Variants in GRAMD2B observed in about 807,000 individuals in gnomAD.
GRAMD2B encodes the protein GRAM domain-containing protein 2B.
A neutral mutation model predicts 59.2 loss-of-function variants in GRAMD2B; 41 were observed. The observed-to-expected ratio is 0.69, with a 90% CI of 0.54 to 0.90. GRAMD2B has a LOEUF of 0.90. Among genes scored for constraint, GRAMD2B ranks in the 40% least tolerant of loss-of-function variants. The pLI is 0.00. For missense variants in GRAMD2B, 424 were observed against 500.5 expected, an observed-to-expected ratio of 0.85 and a Z score of 1.46; for synonymous variants, 161 against 182.7, an observed-to-expected ratio of 0.88 and a Z score of 0.96.
chr5:126,382,332 T>C (rs967800429), intron 1 of GRAMD2B, among the ~76,000 whole-genome samples: 2 of 152,196 alleles, frequency 1.3e-5, no homozygotes, highest in Non-Finnish European at 2.9e-5. Flanking sequence ...CAGATTATTG[T>C]TAGGTTTGGT....
upstream of GRAMD2B, among the ~76,000 whole-genome samples, chr5:126,422,696 C>T (rs1226085375): frequency 6.6e-6 from 1 of 152,172 alleles, no homozygotes; most frequent in Non-Finnish European, 1.5e-5. Flanking sequence ...GCTTCCAATA[C>T]AAAACCTTAG....
chr5:126,363,676 TCA>T (rs1754320061), intron 1 of GRAMD2B, among the ~76,000 whole-genome samples: 1 of 152,130 alleles, frequency 6.6e-6, no homozygotes, highest in Non-Finnish European at 1.5e-5. Context: ...TCACAAAAGA[TCA>T]CAGATAGTAT....
intron 8 of GRAMD2B, among the ~76,000 whole-genome samples, chr5:126,483,139 T>G (rs550132039): frequency 6.6e-6 from 1 of 152,316 alleles, no homozygotes; most frequent in East Asian, 1.9e-4. Flanking sequence ...AGTAATCAGG[T>G]TTTCTCATTA....
At chr5:126,391,487 C>G (rs1756779652) in intron 1 of GRAMD2B, among the ~76,000 whole-genome samples, 1 of 151,896 alleles carries the variant, frequency 6.6e-6, no homozygotes, top group Admixed American at 6.6e-5. Flanking sequence ...AACACTTGTA[C>G]ATGGATATCC....
intron 1 of GRAMD2B, among the ~76,000 whole-genome samples, chr5:126,403,647 A>T (rs1053060509): frequency 3.3e-5 from 5 of 151,974 alleles, no homozygotes; most frequent in African/African-American, 1.2e-4. Context: ...ATCTTAATGT[A>T]AAATTGAGTG....
At chr5:126,473,116 T>C in intron 4 of GRAMD2B, 149 bp from the exon 5 acceptor site, 2 of 397,806 alleles carry the variant, frequency 5.0e-6, no homozygotes, top group East Asian at 3.7e-5. Context: ...CACAGCTTTC[T>C]TTCCATAAAG....
Position 126,483,574 on chromosome 5 carries a change from G to A in GRAMD2B, c.847G>A (p.Asp283Asn). Residue 283 changes from aspartate to asparagine, a missense_variant and splice_region_variant, in exon 9 of 14, where the codon GAT (aspartate) becomes AAT (asparagine). Transcript: ENST00000285689. ...SQTPESENSR[D>N]FHATESQTVL... ...AACTCCTGAATCTGAGAACTCTCGA[G>A]GTTTGGGAAATTGTTGTATTTTGAC... is the stretch of plus-strand genomic sequence containing the variant. The A allele has an allele frequency of 6.4e-7, 1 of 1,569,250 alleles. No homozygotes were observed. Among genetic ancestry groups the A allele is most frequent in the Non-Finnish European group, 8.8e-7 (1 of 1,141,682 alleles).
chr5:126,440,135 GAGAA>G (rs554168724), intron 1 of GRAMD2B, among the ~76,000 whole-genome samples: 36 of 152,158 alleles, frequency 2.4e-4, no homozygotes, highest in African/African-American at 8.7e-4. Flanking sequence ...AAATAAATTG[GAGAA>G]AGAGTTACAG....
At chr5:126,417,947 T>G (rs572570287) in intron 1 of GRAMD2B, among the ~76,000 whole-genome samples, 52 of 152,346 alleles carry the variant, frequency 3.4e-4, no homozygotes, top group African/African-American at 1.2e-3. Flanking sequence ...GCTTGGGCTC[T>G]TCTCTGAAAA....
chr5:126,412,908 A>G (rs1365876100), intron 1 of GRAMD2B, among the ~76,000 whole-genome samples: 1 of 151,992 alleles, frequency 6.6e-6, no homozygotes, highest in Non-Finnish European at 1.5e-5. Flanking sequence ...GGTGTTTATA[A>G]TAGTCTCTGA....
chr5:126,452,659 C>G (rs1443328919), intron 1 of GRAMD2B, among the ~76,000 whole-genome samples: 4 of 152,106 alleles, frequency 2.6e-5, no homozygotes, highest in Non-Finnish European at 5.9e-5. Flanking sequence ...CTACAGACAC[C>G]ACTTCTCCTT....
chr5:126,492,810 T>G (rs1774184772), intron 13 of GRAMD2B, 105 bp from the exon 14 acceptor site: 23 of 695,106 alleles, frequency 3.3e-5, no homozygotes, highest in Middle Eastern at 7.5e-4. Flanking sequence ...TGTAGCTTTT[T>G]ATTCAAAGTG....
Position 126,465,489 on chromosome 5 carries a change from C to G in GRAMD2B, c.147C>G (p.Ser49=). The change falls in exon 2 of 14, where the codon TCC becomes TCG. Residue 49 remains serine, a synonymous_variant. Coordinates refer to ENST00000285689, the MANE Select transcript of GRAMD2B (RefSeq NM_023927.4). ...KKACRSPTAQ[S]PTPSVEADSP... ...CCTGCAGGTCGCCAACAGCCCAATC[C>G]CCTACCCCATCTGTGGAGGCGGACT... The G allele has an allele frequency of 6.2e-7, 1 of 1,614,114 alleles. No individual in the cohort carries two copies. The highest frequency in any genetic ancestry group is 8.5e-7 in the Non-Finnish European group (1 of 1,180,016).
chr5:126,369,782 T>A (rs1754646708), upstream of GRAMD2B, among the ~76,000 whole-genome samples: 1 of 152,210 alleles, frequency 6.6e-6, no homozygotes, highest in Non-Finnish European at 1.5e-5. Flanking sequence ...CCCTGTTTAA[T>A]CCAAACCTGC....
intron 1 of GRAMD2B, among the ~76,000 whole-genome samples, chr5:126,412,006 T>C (rs1324195635): frequency 1.3e-5 from 2 of 152,130 alleles, no homozygotes; most frequent in Non-Finnish European, 2.9e-5. Context: ...CAGGAGTCTT[T>C]AGGCAGAGTC....
At chr5:126,444,710 G>T (rs191645917) in intron 1 of GRAMD2B, among the ~76,000 whole-genome samples, 229 of 152,210 alleles carry the variant, frequency 1.5e-3, no homozygotes, top group African/African-American at 5.2e-3. Context: ...ACTTTTATTT[G>T]TAGTTCCAGG....
intron 1 of GRAMD2B, among the ~76,000 whole-genome samples, chr5:126,450,200 G>A (rs573953393): frequency 1.3e-5 from 2 of 152,250 alleles, no homozygotes; most frequent in South Asian, 4.1e-4. Context: ...GAGGGCCAGA[G>A]TAGTACAGCT....
chr5:126,458,607 ACCACGGTTGTATATAACTAGCTG>A (rs1460308546), intron 1 of GRAMD2B, among the ~76,000 whole-genome samples: 1 of 152,138 alleles, frequency 6.6e-6, no homozygotes, highest in African/African-American at 2.4e-5. Flanking sequence ...ATAACTAGCT[ACCACGGTTGTATATAACTAGCTG>A]CCACGGTTAT....
At chr5:126,425,663 G>A (rs1411541922) in intron 1 of GRAMD2B, among the ~76,000 whole-genome samples, 1 of 152,198 alleles carries the variant, frequency 6.6e-6, no homozygotes, top group African/African-American at 2.4e-5. Flanking sequence ...CTGCTCGGGA[G>A]GCTGAGGTGG....
Sources: allele counts gnomAD v4.1 joint callset (sites outside exome capture counted in the v4.1 genomes callset), GRCh38; gene constraint gnomAD v4.1.1; transcripts MANE v1.5; gene names NCBI Gene and HGNC (gene_info 2026-07-23, HGNC 2026-07-21).